Variants in EGR4 observed in about 807,000 individuals in gnomAD.
The protein encoded by EGR4 is early growth response 4.
In EGR4, 22 loss-of-function variants were observed where a neutral mutation model predicts 25.4. The observed-to-expected ratio is 0.87, with a 90% CI of 0.62 to 1.24. EGR4 has a LOEUF of 1.24. Among genes scored for constraint, EGR4 ranks in the 50% most tolerant of loss-of-function variants. The pLI, the probability that EGR4 is intolerant of heterozygous loss-of-function variation, is 0.00. For synonymous variants in EGR4, 375 were observed against 320.1 expected (o/e 1.17, Z -1.83); for missense variants, 742 against 702.9 (o/e 1.06, Z -0.63).
Position 73,293,267 on chromosome 2 carries a change from G to T in EGR4, c.51C>A (p.Ser17=). ...FSEPDALLVK[S]TEGCCAEPSA... ...TGGGTTCGGCGCAACAGCCTTCAGTGGACTTGACGAGGAGCGCGTCGGGTT... is the reference window on the plus strand; with the variant it reads ...TGGGTTCGGCGCAACAGCCTTCAGTTGACTTGACGAGGAGCGCGTCGGGTT... The change falls in exon 1 of 2, where the codon TCC becomes TCA. Residue 17 remains serine, a synonymous_variant. Transcript: ENST00000436467. 6.3e-7 allele frequency: 1 copy of T among 1,585,692 alleles called. No homozygotes were observed. The highest frequency in any genetic ancestry group is 2.3e-5 in the East Asian group (1 of 43,234).
Position 73,291,178 on chromosome 2 carries a change from G to T in EGR4, c.*279C>A. The T allele has an allele frequency of 4.1e-6, 2 of 492,786 alleles. No individual in the cohort carries two copies. Among genetic ancestry groups the T allele is most frequent in the Non-Finnish European group, 7.2e-6 (2 of 279,496 alleles). 30.5% of individuals were successfully genotyped at this position (492,786 alleles called of 1,614,324 possible). A position where few individuals can be genotyped will look rare whatever the true frequency, so the allele number is the denominator to read the frequency against. On this transcript the variant is annotated 3_prime_UTR_variant, in exon 2 of 2. Coordinates refer to ENST00000436467, the MANE Select transcript of EGR4 (RefSeq NM_001965.4). The stretch of plus-strand genomic sequence containing the variant: ...GGGCGTGTGCCAGTTACAAAAGACT[G>T]TCTTGAATCCCAGGGTAGTGCCTAT...
At position 73,293,540 on chromosome 2, in the gene EGR4, G is replaced by A; in HGVS notation, c.-223C>T. 1 of 1,504,738 alleles carries A rather than the reference G, an allele frequency of 6.6e-7. No homozygotes were observed. Among genetic ancestry groups the A allele is most frequent in the South Asian group, 1.2e-5 (1 of 80,872 alleles). The allele number at this position is 1,504,738 out of a possible 1,614,324, so 93.2% of individuals were successfully genotyped here. A position where few individuals can be genotyped will look rare whatever the true frequency, so the allele number is the denominator to read the frequency against. On this transcript the variant is annotated 5_prime_UTR_variant, in exon 1 of 2. Transcript: ENST00000436467. ...CGGCTCCTCGCCTCTCCAAAGCGCT[G>A]CCGGGCTCCCCCAGCCCACAGCCCC...
chr2:73,291,973 G>A lies in EGR4; in HGVS notation c.945C>T (p.Gly315=), dbSNP rs1474471509. ...ASTQPQLSPL[G]LRSAAAADFP... is the part of the protein sequence containing the mutation. ...AGTCCGCCGCGGCGGCGCTGCGAAG[G>A]CCCAGCGGGGAAAGCTGAGGCTGCG... Residue 315 remains glycine (G), a synonymous_variant, in exon 2 of 2, where the codon GGC becomes GGT. Transcript: ENST00000436467. 1.3e-6 allele frequency: 2 copies of A among 1,597,910 alleles called. No homozygotes were observed. The highest frequency in any genetic ancestry group is 1.7e-4 in the Middle Eastern group (1 of 5,996).
intron 1 of EGR4, 50 bp downstream of exon 1, chr2:73,293,132 C>T (rs779166677): frequency 2.2e-5 from 31 of 1,398,072 alleles, no homozygotes; most frequent in Non-Finnish European, 2.7e-5. Flanking sequence ...GTATGGTGCG[C>T]CCCCGCGCTG....
Position 73,293,397 on chromosome 2 carries a change from A to G in EGR4, c.-80T>C, listed in dbSNP as rs1689152461. On this transcript the variant is annotated 5_prime_UTR_variant, in exon 1 of 2. Transcript: ENST00000436467. ...CGCGGGTGGCGGGGAGGCTGGCGGT[A>G]GGGGTTCCCCGCAGCGCACAGACCT... 1 of 1,506,978 alleles carries G rather than the reference A, an allele frequency of 6.6e-7. No individual in the cohort carries two copies. 93.4% of individuals were successfully genotyped at this position (1,506,978 alleles called of 1,614,324 possible). A position where few individuals can be genotyped will look rare whatever the true frequency, so the allele number is the denominator to read the frequency against.
rs1461143456 is a variant in EGR4 at position 73,292,023 on chromosome 2, C to T, written c.895G>A (p.Asp299Asn). ...GTACTGGCCAGAAACTCTCCGCCGT[C>T]GCCGCTACTCCCTCCCTCCCCACTA... is the stretch of plus-strand genomic sequence containing the variant. ...PPSGEGGSSGDGGEFLASTQP... is the reference protein window; with the variant it reads ...PPSGEGGSSGNGGEFLASTQP... The change falls in exon 2 of 2, where the codon GAC becomes AAC. Residue 299 changes from aspartate (D) to asparagine (N), a missense_variant. Transcript: ENST00000436467. 3 of 1,601,422 alleles carry T rather than the reference C, an allele frequency of 1.9e-6. No homozygotes were observed. Among genetic ancestry groups the T allele is most frequent in the Non-Finnish European group, 2.6e-6 (3 of 1,173,966 alleles).
chr2:73,291,873 T>C lies in EGR4; in HGVS notation c.1045A>G (p.Thr349Ala). 1.9e-6 allele frequency: 3 copies of C among 1,575,370 alleles called. No homozygotes were observed. The highest frequency in any genetic ancestry group is 2.6e-6 in the Non-Finnish European group (3 of 1,165,328). The change falls in exon 2 of 2, where the codon ACC (threonine) becomes GCC (alanine). Residue 349 changes from threonine to alanine, a missense_variant. Transcript: ENST00000436467. ...CGCGCCTTGGCCTGGGGGAAAGGGG[T>C]GGGCGGCGGCGGCGGCACGGGTGGT... Reference protein sequence around the residue: ...AAPPVPPPPPTPFPQAKARRK... With the variant: ...AAPPVPPPPPAPFPQAKARRK...
rs144909297 is a variant in EGR4, at chr2:73,292,300, C to T, written c.618G>A (p.Ala206=). 3.1e-5 allele frequency: 49 copies of T among 1,606,196 alleles called. No homozygotes were observed. In the South Asian group the frequency reaches 4.9e-4, roughly 16 times the overall value. Residue 206 remains alanine, a synonymous_variant, in exon 2 of 2, where the codon GCG becomes GCA. Transcript: ENST00000436467. ...CCCCCACAGAAAGCAGCTCCCAGGGCGCGTAGGGACCCTTGAAGGCAGAGA... is the reference window on the plus strand; with the variant it reads ...CCCCCACAGAAAGCAGCTCCCAGGGTGCGTAGGGACCCTTGAAGGCAGAGA... ...DAVSAFKGPY[A]PWELLSVGAP...
At position 73,291,639 on chromosome 2, in the gene EGR4, T is replaced by C. The variant is rs757339403; in HGVS notation, c.1279A>G (p.Thr427Ala). ...RNFSRSDHLT[T>A]HVRTHTGEKP... ...TCGCCGGTGTGGGTGCGCACGTGCGTGGTGAGGTGGTCGCTGCGGCTGAAG... is the reference window on the plus strand; with the variant it reads ...TCGCCGGTGTGGGTGCGCACGTGCGCGGTGAGGTGGTCGCTGCGGCTGAAG... Residue 427 changes from threonine to alanine, a missense_variant, in exon 2 of 2, where the codon ACG becomes GCG. Thr to Ala is a moderately conservative substitution (Grantham distance 58). Coordinates refer to ENST00000436467, the MANE Select transcript of EGR4 (RefSeq NM_001965.4). 5 of 1,612,278 alleles carry C rather than the reference T, an allele frequency of 3.1e-6. No individual in the cohort carries two copies. Among genetic ancestry groups the C allele is most frequent in the Non-Finnish European group, 4.2e-6 (5 of 1,179,838 alleles).
rs1458498600 is a variant in EGR4, at chr2:73,292,480, G to C, written c.438C>G (p.Ser146=). ...GGAAAGGGGCAGCGCCCAGATCCGG[G>C]GAGTAAAGGTCCGGCGGACCCGGCA... ...ALLPGPPDLY[S]PDLGAAPFPE... is the part of the protein sequence containing the mutation. Residue 146 remains serine, a synonymous_variant, in exon 2 of 2, where the codon TCC becomes TCG. Coordinates refer to ENST00000436467, the MANE Select transcript of EGR4 (RefSeq NM_001965.4). 1 of 1,517,196 alleles carries C rather than the reference G, an allele frequency of 6.6e-7. No homozygotes were observed. The highest frequency in any genetic ancestry group is 1.4e-5 in the African/African-American group (1 of 71,818). 94.0% of individuals were successfully genotyped at this position (1,517,196 alleles called of 1,614,324 possible). A position where few individuals can be genotyped will look rare whatever the true frequency, so the allele number is the denominator to read the frequency against.
In EGR4 at chr2:73,291,500, C is replaced by T. The variant is rs148409394; in HGVS notation, c.1418G>A (p.Gly473Asp). 3 of 1,612,224 alleles carry T rather than the reference C, an allele frequency of 1.9e-6. No homozygotes were observed. Among genetic ancestry groups the T allele is most frequent in the East Asian group, 2.2e-5 (1 of 44,792 alleles). The change falls in exon 2 of 2, where the codon GGC becomes GAC. Residue 473 changes from glycine (G) to aspartate (D), a missense_variant. Gly to Asp is a moderately conservative substitution (Grantham distance 94, BLOSUM62 -1). Transcript: ENST00000436467. ...GAGGCCCAGCGAGTAAAAGCCGAGG[C>T]CCTTGAGCCGCTCCTCGGCGCGCGC... ...QKARAEERLK[G>D]LGFYSLGLSF...
chr2:73,292,871 A>ATCG (rs1689139970), intron 1 of EGR4, 90 bp from the exon 2 acceptor site: 1 of 1,305,550 alleles, frequency 7.7e-7, no homozygotes, highest in Admixed American at 3.6e-5. Flanking sequence ...GTGCCCACGG[A>ATCG]TATACACAAA....
Position 73,291,636 on chromosome 2 carries a change from G to T in EGR4, c.1282C>A (p.His428Asn). ...TTCTCGCCGGTGTGGGTGCGCACGTGCGTGGTGAGGTGGTCGCTGCGGCTG... is the reference window on the plus strand; with the variant it reads ...TTCTCGCCGGTGTGGGTGCGCACGTTCGTGGTGAGGTGGTCGCTGCGGCTG... ...NFSRSDHLTTHVRTHTGEKPF... is the reference protein window; with the variant it reads ...NFSRSDHLTTNVRTHTGEKPF... The change falls in exon 2 of 2, where the codon CAC becomes AAC. Residue 428 changes from histidine to asparagine, a missense_variant. Transcript: ENST00000436467. 1 of 1,612,674 alleles carries T rather than the reference G, an allele frequency of 6.2e-7. No homozygotes were observed.
intron 1 of EGR4, among the ~76,000 whole-genome samples, 161 bp downstream of exon 1, chr2:73,293,021 C>T (rs1481357711): frequency 6.6e-6 from 1 of 152,240 alleles, no homozygotes; most frequent in African/African-American, 2.4e-5. Flanking sequence ...GCGCTGGCGG[C>T]CCAGTGTGGG....
At position 73,293,363 on chromosome 2, in the gene EGR4, T is replaced by C. The variant is rs1033139507; in HGVS notation, c.-46A>G. ...GCGCCCGGGGCCTCGCCCGCTGGGCTTGGGGGCGCGCGGGTGGCGGGGAGG... is the reference window on the plus strand; with the variant it reads ...GCGCCCGGGGCCTCGCCCGCTGGGCCTGGGGGCGCGCGGGTGGCGGGGAGG... On this transcript the variant is annotated 5_prime_UTR_variant, in exon 1 of 2. Coordinates refer to ENST00000436467, the MANE Select transcript of EGR4 (RefSeq NM_001965.4). 3 of 1,512,702 alleles carry C rather than the reference T, an allele frequency of 2.0e-6. No homozygotes were observed. The highest frequency in any genetic ancestry group is 2.6e-6 in the Non-Finnish European group (3 of 1,132,592). 93.7% of individuals were successfully genotyped at this position (1,512,702 alleles called of 1,614,324 possible). A position where few individuals can be genotyped will look rare whatever the true frequency, so the allele number is the denominator to read the frequency against.
Position 73,292,217 on chromosome 2 carries a change from G to T in EGR4, c.701C>A (p.Pro234His). The change falls in exon 2 of 2, where the codon CCC (proline) becomes CAC (histidine). Residue 234 changes from proline to histidine, a missense_variant. Pro to His is a moderately conservative substitution (Grantham distance 77, BLOSUM62 -2). Transcript: ENST00000436467. ...GTCCTCAATCTTGGTCCCTATTACG[G>T]GAAAACGAGCCTCCGGGGCGGCCTG... is the stretch of plus-strand genomic sequence containing the variant. The part of the protein sequence containing the change: ...DYQAAPEARF[P>H]VIGTKIEDLL... 6.2e-7 allele frequency: 1 copy of T among 1,600,014 alleles called. No individual in the cohort carries two copies. Among genetic ancestry groups the T allele is most frequent in the Non-Finnish European group, 8.5e-7 (1 of 1,173,562 alleles).
At position 73,293,338 on chromosome 2, in the gene EGR4, G is replaced by C. The variant is rs1446569513; in HGVS notation, c.-21C>G. Reference sequence around the variant, plus strand: ...AGCATGGCGCGGCGCCGGCTGTGGGGCGCCCGGGGCCTCGCCCGCTGGGCT... The same window carrying C: ...AGCATGGCGCGGCGCCGGCTGTGGGCCGCCCGGGGCCTCGCCCGCTGGGCT... On this transcript the variant is annotated 5_prime_UTR_variant, in exon 1 of 2. Transcript: ENST00000436467. 1 of 1,556,114 alleles carries C rather than the reference G, an allele frequency of 6.4e-7. No homozygotes were observed. The highest frequency in any genetic ancestry group is 2.0e-5 in the Admixed American group (1 of 50,420).
chr2:73,291,668 C>T lies in EGR4; in HGVS notation c.1250G>A (p.Arg417His). Residue 417 changes from arginine (R) to histidine (H), a missense_variant, in exon 2 of 2, where the codon CGC (arginine) becomes CAC (histidine). Arg to His is a conservative substitution (Grantham distance 29). Coordinates refer to ENST00000436467, the MANE Select transcript of EGR4 (RefSeq NM_001965.4). ...HKPFQCRICL[R>H]NFSRSDHLTT... ...GAGGTGGTCGCTGCGGCTGAAGTTG[C>T]GGAGGCAGATGCGGCACTGGAAGGG... 1 of 1,611,210 alleles carries T rather than the reference C, an allele frequency of 6.2e-7. No homozygotes were observed.
Position 73,292,725 on chromosome 2 carries a change from C to T in EGR4, c.193G>A (p.Asp65Asn), listed in dbSNP as rs768755739. 3 of 1,480,006 alleles carry T rather than the reference C, an allele frequency of 2.0e-6. No homozygotes were observed. Among genetic ancestry groups the T allele is most frequent in the Non-Finnish European group, 2.7e-6 (3 of 1,114,338 alleles). 91.7% of individuals were successfully genotyped at this position (1,480,006 alleles called of 1,614,324 possible). ...GCAGGCCCCTCCAGGAAGCAGGAGT[C>T]GGCTAAGTCCCCACTTGCGCCGCAG... is the stretch of plus-strand genomic sequence containing the variant. ...NSCGASGDLA[D>N]SCFLEGPAPT... Residue 65 changes from aspartate (D) to asparagine (N), a missense_variant, in exon 2 of 2, where the codon GAC becomes AAC. Physicochemically the swap from Asp to Asn is conservative, Grantham distance 23 (BLOSUM62 1). Transcript: ENST00000436467.
Sources: allele counts gnomAD v4.1 joint callset (sites outside exome capture counted in the v4.1 genomes callset), GRCh38; gene constraint gnomAD v4.1.1; transcripts MANE v1.5; gene names NCBI Gene and HGNC (gene_info 2026-07-23, HGNC 2026-07-21).